Variants in FIGN observed in about 807,000 individuals in gnomAD.
FIGN encodes the protein fidgetin, microtubule severing factor.
Under a neutral mutation model 51.3 loss-of-function variants are expected in FIGN, and 11 were observed. The ratio of observed to expected loss-of-function variants is 0.21; its 90% CI spans 0.13 to 0.35. FIGN has a LOEUF of 0.35. Ranked by LOEUF, FIGN falls within the 10% of genes least tolerant of loss-of-function variation. The probability of loss-of-function intolerance (pLI) is 1.00; values close to 1 mark genes in which losing one functional copy is unlikely to be tolerated. For synonymous variants in FIGN, 407 were observed against 363.2 expected, an observed-to-expected ratio of 1.12 and a Z score of -1.37; for missense variants, 857 against 943.6, an observed-to-expected ratio of 0.91 and a Z score of 1.20.
chr2:163,641,039 G>A (rs939107478), intron 2 of FIGN, among the ~76,000 whole-genome samples: 2 of 152,190 alleles, frequency 1.3e-5, no homozygotes, highest in Non-Finnish European at 2.9e-5. Context: ...AGCTGATTAG[G>A]ATGACACCAA....
intron 2 of FIGN, among the ~76,000 whole-genome samples, chr2:163,709,424 G>A (rs902307254): frequency 6.6e-6 from 1 of 152,086 alleles, no homozygotes; most frequent in African/African-American, 2.4e-5. Flanking sequence ...AAGTACAAAA[G>A]AGTTCATCTG....
chr2:163,611,456 C>T lies in FIGN; in HGVS notation c.376G>A (p.Asp126Asn), dbSNP rs201440665. 1.1e-3 allele frequency: 1,813 copies of T among 1,614,102 alleles called. 2 individuals carry two copies. The highest frequency in any genetic ancestry group is 1.5e-3 in the Non-Finnish European group (1,754 of 1,179,996). ...EAVYPMNCVP[D>N]VITASKAGVS... Reference sequence around the variant, plus strand: ...CCAGCTTTGCTGGCAGTGATAACATCCGGAACACAGTTCATGGGATAAACA... The same window carrying T: ...CCAGCTTTGCTGGCAGTGATAACATTCGGAACACAGTTCATGGGATAAACA... The change falls in exon 3 of 3, where the codon GAT becomes AAT. Residue 126 changes from aspartate (D) to asparagine (N), a missense_variant. Transcript: ENST00000333129.
intron 2 of FIGN, among the ~76,000 whole-genome samples, chr2:163,643,531 G>A (rs2105317618): frequency 6.6e-6 from 1 of 151,266 alleles, no homozygotes; most frequent in Non-Finnish European, 1.5e-5. Context: ...TGCACTTGTA[G>A]TTCTAGCTAC....
chr2:163,642,605 A>T (rs1178468652), intron 2 of FIGN, among the ~76,000 whole-genome samples: 1 of 152,144 alleles, frequency 6.6e-6, no homozygotes, highest in African/African-American at 2.4e-5. Flanking sequence ...GTATCTAATA[A>T]TGTATGGCAG....
chr2:163,639,948 T>C (rs1438909211), intron 2 of FIGN, among the ~76,000 whole-genome samples: 1 of 152,162 alleles, frequency 6.6e-6, no homozygotes, highest in Admixed American at 6.5e-5. Flanking sequence ...AATATGTCCT[T>C]CTTAAAGAAT....
chr2:163,718,885 A>C (rs532068075), intron 2 of FIGN, among the ~76,000 whole-genome samples: 1 of 152,200 alleles, frequency 6.6e-6, no homozygotes, highest in African/African-American at 2.4e-5. Context: ...TATATGGATA[A>C]CTATAAAATC....
intron 2 of FIGN, among the ~76,000 whole-genome samples, chr2:163,686,946 T>C (rs1684160674): frequency 6.6e-6 from 1 of 151,936 alleles, no homozygotes; most frequent in Admixed American, 6.6e-5. Flanking sequence ...AGTGTTATTA[T>C]TTAAAATAAT....
In FIGN at chr2:163,611,229, C is replaced by G. The variant is rs1691250119; in HGVS notation, c.603G>C (p.Gln201His). The G allele has an allele frequency of 6.2e-7, 1 of 1,613,968 alleles. No individual in the cohort carries two copies. Among genetic ancestry groups the G allele is most frequent in the South Asian group, 1.1e-5 (1 of 91,086 alleles). Residue 201 changes from glutamine (Q) to histidine (H), a missense_variant, in exon 3 of 3, where the codon CAG (glutamine) becomes CAC (histidine). This residue lies in a region of FIGN where 799 missense variants were observed against 849.5 expected (regional missense o/e 0.94). Transcript: ENST00000333129. ...GAGGTGAAGGAAGTGCAGGTGCTGG[C>G]TGGCTACTATAAGTAGAATGCAAAT... ...GSYLHSTYSS[Q>H]PAPALPSPHP...
At chr2:163,632,550 C>A (rs1377764131) in intron 2 of FIGN, among the ~76,000 whole-genome samples, 1 of 152,238 alleles carries the variant, frequency 6.6e-6, no homozygotes, top group East Asian at 1.9e-4. Flanking sequence ...GAGATCCCTG[C>A]ATGGGCACTG....
intron 2 of FIGN, among the ~76,000 whole-genome samples, chr2:163,654,335 G>T (rs1683525643): frequency 6.6e-6 from 1 of 152,104 alleles, no homozygotes; most frequent in Admixed American, 6.6e-5. Flanking sequence ...TATAGGCAAA[G>T]AACCTCATGT....
intron 2 of FIGN, among the ~76,000 whole-genome samples, chr2:163,631,261 G>A (rs1683141626): frequency 6.6e-6 from 1 of 152,086 alleles, no homozygotes. Flanking sequence ...TCGTATCTAT[G>A]CCTACTATAT....
intron 2 of FIGN, among the ~76,000 whole-genome samples, chr2:163,684,921 G>A (rs548021613): frequency 9.9e-5 from 15 of 151,008 alleles, no homozygotes; most frequent in South Asian, 6.3e-4. Context: ...ATTAAGGCGG[G>A]AGCCACCATG....
chr2:163,675,957 G>A lies in FIGN; in HGVS notation c.25+58946C>T, dbSNP rs1322202645. On this transcript the variant is annotated intron_variant, in intron 2 of 2. Transcript: ENST00000333129. Reference sequence around the variant, plus strand: ...TGGGAGAGCTGGAGGGAGGGGTGGGGTGTTTTGTACAAAATGAAAGGGTAT... The same window carrying A: ...TGGGAGAGCTGGAGGGAGGGGTGGGATGTTTTGTACAAAATGAAAGGGTAT... 2.0e-5 allele frequency among the ~76,000 whole-genome samples: 3 copies of A among 151,460 alleles called. No individual in the cohort carries two copies. The East Asian group carries it at 5.8e-4, about 29-fold the overall frequency.
At chr2:163,719,751 A>G (rs1309344691) in intron 2 of FIGN, among the ~76,000 whole-genome samples, 1 of 152,186 alleles carries the variant, frequency 6.6e-6, no homozygotes, top group East Asian at 1.9e-4. Context: ...TTTTTAAAGA[A>G]AAACGAAGAA....
intron 2 of FIGN, among the ~76,000 whole-genome samples, chr2:163,690,710 T>A (rs1030032823): frequency 6.6e-6 from 1 of 152,112 alleles, no homozygotes; most frequent in Admixed American, 6.6e-5. Flanking sequence ...CAAGTATATA[T>A]AAATATATAA....
At chr2:163,680,048 A>G (rs1684037496) in intron 2 of FIGN, among the ~76,000 whole-genome samples, 1 of 152,210 alleles carries the variant, frequency 6.6e-6, no homozygotes, top group Non-Finnish European at 1.5e-5. Flanking sequence ...GAATGATTGC[A>G]CTACGCACTG....
At chr2:163,633,817 T>C (rs999373621) in intron 2 of FIGN, among the ~76,000 whole-genome samples, 7 of 152,196 alleles carry the variant, frequency 4.6e-5, no homozygotes, top group Non-Finnish European at 1.5e-5. Context: ...AACCTATCGA[T>C]TCAATGAATC....
intron 2 of FIGN, among the ~76,000 whole-genome samples, chr2:163,679,308 A>G (rs1684020889): frequency 6.6e-6 from 1 of 152,092 alleles, no homozygotes; most frequent in South Asian, 2.1e-4. Context: ...CGTGGGTAAC[A>G]TGGTGAAACC....
intron 2 of FIGN, among the ~76,000 whole-genome samples, chr2:163,692,483 T>TCAATTAAATGAACAATTTAA (rs1479998081): frequency 1.1e-4 from 16 of 152,228 alleles, no homozygotes; most frequent in African/African-American, 3.9e-4. Flanking sequence ...CTAATAATGT[T>TCAATTAAATGAACAATTTAA]TCTTCAATTA....
Sources: gnomAD v4.1 joint callset for allele counts (sites outside exome capture counted in the v4.1 genomes callset) on GRCh38, gnomAD v4.1.1 for gene constraint, gnomAD v4.1.1 regional missense constraint, MANE v1.5 for transcripts, NCBI Gene and HGNC (gene_info 2026-07-23, HGNC 2026-07-21) for gene names.